STAT5B: variants seen among roughly 807,000 people sequenced by gnomAD.
STAT5B encodes the protein transcription factor STAT5B.
In STAT5B, 21 loss-of-function variants were observed where a neutral mutation model predicts 107.8. That is an observed-to-expected ratio of 0.19 (90% CI 0.14 to 0.28). STAT5B has a LOEUF of 0.28. STAT5B is among the 10% of genes least tolerant of loss of function. STAT5B has a pLI of 1.00. For missense variants in STAT5B, 565 were observed against 1,008.2 expected (o/e 0.56, Z 5.95); for synonymous variants, 325 against 401.7 (o/e 0.81, Z 2.28).
intron 12 of STAT5B, among the ~76,000 whole-genome samples, chr17:42,212,816 T>A (rs2080140514): frequency 1.3e-5 from 2 of 152,228 alleles, no homozygotes; most frequent in African/African-American, 4.8e-5. Context: ...GATTTTCACA[T>A]GATTTAAAAT....
intron 5 of STAT5B, among the ~76,000 whole-genome samples, chr17:42,220,744 C>T (rs1390464420): frequency 6.6e-6 from 1 of 152,118 alleles, no homozygotes; most frequent in Non-Finnish European, 1.5e-5. Context: ...TGTGAGGAGT[C>T]TCATTGATGG....
intron 1 of STAT5B, among the ~76,000 whole-genome samples, chr17:42,258,873 T>C (rs1483863280): frequency 6.6e-6 from 1 of 152,134 alleles, no homozygotes; most frequent in Non-Finnish European, 1.5e-5. Context: ...CTAAAAATGA[T>C]TCCCCTCCCT....
chr17:42,207,425 C>T (rs2080093452), intron 16 of STAT5B, 133 bp downstream of exon 16: 1 of 1,205,164 alleles, frequency 8.3e-7, no homozygotes, highest in East Asian at 2.4e-5. Context: ...AATGCTCAAA[C>T]TGCTCTCACT....
chr17:42,240,793 C>T (rs1360129066), intron 1 of STAT5B, among the ~76,000 whole-genome samples: 1 of 152,070 alleles, frequency 6.6e-6, no homozygotes. Flanking sequence ...AGGTGGTTTG[C>T]CATTTTCTAT....
At chr17:42,287,985 G>T in the STAT5B span, 2 of 152,212 alleles carry the variant, frequency 1.3e-5, no homozygotes, top group Admixed American at 1.3e-4. Context: ...CAAAACCTGT[G>T]GCCCCCAAGA....
At chr17:42,252,337 G>T (rs1382666649) in intron 1 of STAT5B, among the ~76,000 whole-genome samples, 2 of 152,214 alleles carry the variant, frequency 1.3e-5, no homozygotes, top group East Asian at 3.9e-4. Context: ...AAGATGGGAT[G>T]TTTTCCTCCT....
rs561632701 is a variant in STAT5B at position 42,221,993 on chromosome 17, TGTG to T, written c.550+1386_550+1388del. ...TGTGGTGTGTGTGTGCTGTGTGTGGTGTGGTGTGTGTGTGCTGTGTGTGGTGTG... is the reference window on the plus strand; with the variant it reads ...TGTGGTGTGTGTGTGCTGTGTGTGGTGTGTGTGTGTGCTGTGTGTGGTGTG... On this transcript the variant is annotated intron_variant, in intron 5 of 18. Transcript: ENST00000293328. 1.6e-3 allele frequency among the ~76,000 whole-genome samples: 210 copies of T among 128,728 alleles called. 2 individuals are homozygous for T. The highest frequency in any genetic ancestry group is 6.2e-3 in the African/African-American group (203 of 32,952). 84.5% of individuals were successfully genotyped at this position (128,728 alleles called of 152,430 possible).
At chr17:42,253,757 C>A (rs1421963250) in intron 1 of STAT5B, among the ~76,000 whole-genome samples, 1 of 152,006 alleles carries the variant, frequency 6.6e-6, no homozygotes, top group Non-Finnish European at 1.5e-5. Context: ...CTCATTGCAG[C>A]CTGTGACTCC....
chr17:42,205,212 G>T (rs932560518), intron 16 of STAT5B, among the ~76,000 whole-genome samples: 2 of 151,836 alleles, frequency 1.3e-5, no homozygotes, highest in Non-Finnish European at 2.9e-5. Flanking sequence ...ATGTTTTTTA[G>T]TAGAGATGGG....
At chr17:42,272,594 T>C (rs2080730284) in intron 1 of STAT5B, 1 of 152,164 alleles carries the variant, frequency 6.6e-6, no homozygotes, top group African/African-American at 2.4e-5. Flanking sequence ...CAGGCTTCAC[T>C]CAGTAAAGCT....
At chr17:42,258,590 A>C (rs2080567329) in intron 1 of STAT5B, among the ~76,000 whole-genome samples, 1 of 152,230 alleles carries the variant, frequency 6.6e-6, no homozygotes. Context: ...GAGGCACGAG[A>C]ATCACTTGAA....
At chr17:42,234,355 T>C (rs1227243657) in intron 1 of STAT5B, 1 of 152,208 alleles carries the variant, frequency 6.6e-6, no homozygotes, top group Non-Finnish European at 1.5e-5. Flanking sequence ...GGGATCACTG[T>C]AGACCCAATT....
the STAT5B span, among the ~76,000 whole-genome samples, chr17:42,286,673 G>T: frequency 6.6e-6 from 1 of 152,134 alleles, no homozygotes. Flanking sequence ...GGCAAGGGTG[G>T]CCCTCTGCCC....
At chr17:42,278,430 G>A (rs541976431), upstream of STAT5B, among the ~76,000 whole-genome samples, 188 of 152,348 alleles carry the variant, frequency 1.2e-3, no homozygotes, top group Non-Finnish European at 2.2e-3. Flanking sequence ...GTCTAGCCCG[G>A]TGTGGCGACA....
chr17:42,201,614 CTA>C lies in STAT5B; in HGVS notation c.*122_*123del, dbSNP rs1402156825. On this transcript the variant is annotated 3_prime_UTR_variant, in exon 19 of 19. Coordinates refer to ENST00000293328, the MANE Select transcript of STAT5B (RefSeq NM_012448.4). Reference sequence around the variant, plus strand: ...ATGCACAGAAACACTAAGGTCACAACTAGTATTAACACTTCACATTATGAGTA... The same window carrying C: ...ATGCACAGAAACACTAAGGTCACAACGTATTAACACTTCACATTATGAGTA... 28 of 784,436 alleles carry C rather than the reference CTA, an allele frequency of 3.6e-5. No homozygotes were observed. In the Admixed American group the frequency reaches 4.4e-4, roughly 12 times the overall value. The allele number at this position is 784,436 out of a possible 1,614,324, so 48.6% of individuals were successfully genotyped here. A position where few individuals can be genotyped will look rare whatever the true frequency, so the allele number is the denominator to read the frequency against.
intron 6 of STAT5B, 124 bp downstream of exon 6, chr17:42,219,588 C>T: frequency 3.2e-6 from 4 of 1,249,156 alleles, no homozygotes; most frequent in Middle Eastern, 2.8e-4. Context: ...TCGCAAGGCC[C>T]CCAGGAAAAA....
intron 5 of STAT5B, 107 bp from the exon 6 acceptor site, chr17:42,219,949 A>G: frequency 2.6e-6 from 4 of 1,560,232 alleles, no homozygotes; most frequent in Middle Eastern, 1.7e-4. Flanking sequence ...GGGCTCAGAT[A>G]CTGCATTAAG....
At chr17:42,271,332 G>C (rs2080720613) in intron 1 of STAT5B, 1 of 152,226 alleles carries the variant, frequency 6.6e-6, no homozygotes, top group African/African-American at 2.4e-5. Context: ...AAAAATATTA[G>C]TCACCAAATT....
chr17:42,279,151 T>C (rs1158238539), upstream of STAT5B, among the ~76,000 whole-genome samples: 2 of 149,086 alleles, frequency 1.3e-5, no homozygotes, highest in African/African-American at 5.0e-5. Flanking sequence ...GCCACTGCTC[T>C]CCAGCCTGGG....
Sources: allele counts gnomAD v4.1 joint callset (sites outside exome capture counted in the v4.1 genomes callset), GRCh38; gene constraint gnomAD v4.1.1; transcripts MANE v1.5; gene names NCBI Gene and HGNC (gene_info 2026-07-23, HGNC 2026-07-21).